ATG7: variants seen among roughly 807,000 people sequenced by gnomAD.
ATG7 encodes autophagy related 7, also known as ubiquitin-like modifier-activating enzyme ATG7.
In ATG7, 70 loss-of-function variants were observed where a neutral mutation model predicts 82.4. That is an observed-to-expected ratio of 0.85 (90% CI 0.70 to 1.04). The LOEUF is 1.04. ATG7 is among the 50% of genes least tolerant of loss of function. The probability of loss-of-function intolerance (pLI) is 0.00; values close to 1 mark genes in which losing one functional copy is unlikely to be tolerated. For synonymous variants in ATG7, 287 were observed against 313.0 expected, an observed-to-expected ratio of 0.92 and a Z score of 0.88; for missense variants, 792 against 864.3, an observed-to-expected ratio of 0.92 and a Z score of 1.05.
chr3:11,455,065 C>G (rs993472668), intron 20 of ATG7, among the ~76,000 whole-genome samples: 1 of 152,272 alleles, frequency 6.6e-6, no homozygotes, highest in Admixed American at 6.5e-5. Flanking sequence ...CATATAAATT[C>G]TAATGAAGGA....
intron 18 of ATG7, among the ~76,000 whole-genome samples, chr3:11,370,425 A>G (rs1045924477): frequency 2.0e-5 from 3 of 151,176 alleles, no homozygotes; most frequent in African/African-American, 7.3e-5. Context: ...GGGTTTTGCA[A>G]TTGCTACACT....
At chr3:11,575,520 C>A in the ATG7 span, among the ~76,000 whole-genome samples, 4 of 152,298 alleles carry the variant, frequency 2.6e-5, no homozygotes, top group East Asian at 7.7e-4. Flanking sequence ...TTTCCTTGGG[C>A]ACAATCGGTC....
chr3:11,322,443 A>C (rs915419322), intron 9 of ATG7, among the ~76,000 whole-genome samples: 1 of 152,146 alleles, frequency 6.6e-6, no homozygotes, highest in Non-Finnish European at 1.5e-5. Flanking sequence ...ACTTCCAGCT[A>C]TATATCTCTG....
chr3:11,336,167 G>T (rs1207038977), intron 11 of ATG7, among the ~76,000 whole-genome samples: 1 of 149,374 alleles, frequency 6.7e-6, no homozygotes, highest in Non-Finnish European at 1.5e-5. Context: ...CTGAGTAGCT[G>T]GGACTACAGG....
intron 20 of ATG7, among the ~76,000 whole-genome samples, chr3:11,495,857 T>C (rs571202926): frequency 6.6e-6 from 1 of 152,234 alleles, no homozygotes; most frequent in Non-Finnish European, 1.5e-5. Context: ...TTATTTTCTC[T>C]TAATGGAATG....
chr3:11,547,023 T>C (rs1575281769), intron 20 of ATG7, among the ~76,000 whole-genome samples: 1 of 152,150 alleles, frequency 6.6e-6, no homozygotes, highest in Non-Finnish European at 1.5e-5. Flanking sequence ...GCTGCCCAGG[T>C]TTATTCATGG....
At chr3:11,426,333 G>T in intron 19 of ATG7, among the ~76,000 whole-genome samples, 1 of 151,936 alleles carries the variant, frequency 6.6e-6, no homozygotes, top group East Asian at 1.9e-4. Context: ...ATCCTCTTTT[G>T]TGAAGTACCT....
In ATG7 at chr3:11,389,232, C is replaced by CAAAA. The variant is rs752930553; in HGVS notation, c.1956+9202_1956+9205dup. On this transcript the variant is annotated intron_variant, in intron 19 of 20. Transcript: ENST00000693202. ...TGGGGAACAGAGAGAGACCCTGTCT[C>CAAAA]AAAAAAAAAAAAAAAAAAAAAAAAA... 9.8e-4 allele frequency among the ~76,000 whole-genome samples: 56 copies of CAAAA among 57,130 alleles called. 1 individual carries two copies. The highest frequency in any genetic ancestry group is 3.2e-3 in the African/African-American group (40 of 12,688). The allele number at this position is 57,130 out of a possible 152,430, so 37.5% of individuals were successfully genotyped here.
intron 3 of ATG7, among the ~76,000 whole-genome samples, chr3:11,284,317 A>G (rs576806029): frequency 6.6e-6 from 1 of 152,226 alleles, no homozygotes; most frequent in Non-Finnish European, 1.5e-5. Flanking sequence ...TCCTGCTTCA[A>G]TTAATTCTAT....
intron 15 of ATG7, 54 bp from the exon 16 acceptor site, chr3:11,360,527 G>A: frequency 3.3e-6 from 5 of 1,536,606 alleles, no homozygotes; most frequent in Non-Finnish European, 4.4e-6. Flanking sequence ...ATTAGCCACA[G>A]CTTGAAATAT....
chr3:11,515,593 A>T (rs1234904049), intron 20 of ATG7, among the ~76,000 whole-genome samples: 1 of 152,198 alleles, frequency 6.6e-6, no homozygotes, highest in Non-Finnish European at 1.5e-5. Flanking sequence ...TATTGACAAG[A>T]CATTGTCCCA....
chr3:11,366,206 G>A (rs2076595651), intron 18 of ATG7, among the ~76,000 whole-genome samples: 4 of 139,936 alleles, frequency 2.9e-5, no homozygotes, highest in Non-Finnish European at 6.1e-5. Context: ...GCGACAGAGT[G>A]AGACTCCATC....
chr3:11,429,221 C>T (rs986122139), intron 20 of ATG7, among the ~76,000 whole-genome samples: 12 of 152,066 alleles, frequency 7.9e-5, no homozygotes, highest in African/African-American at 1.7e-4. Context: ...TTAGGCGGGG[C>T]GTGGTGGCTC....
chr3:11,548,705 T>C, intron 20 of ATG7, among the ~76,000 whole-genome samples: 1 of 152,252 alleles, frequency 6.6e-6, no homozygotes, highest in East Asian at 1.9e-4. Context: ...CCGATTGAAC[T>C]CACTGTGTTT....
At chr3:11,475,940 C>G (rs2088158341) in intron 20 of ATG7, among the ~76,000 whole-genome samples, 1 of 147,000 alleles carries the variant, frequency 6.8e-6, no homozygotes, top group East Asian at 2.1e-4. Context: ...TCTAGAGTTT[C>G]CTAACAGTGC....
At chr3:11,492,554 G>A (rs891891638) in intron 20 of ATG7, among the ~76,000 whole-genome samples, 4 of 152,226 alleles carry the variant, frequency 2.6e-5, no homozygotes, top group African/African-American at 9.6e-5. Context: ...TGTTTACTCA[G>A]TCCGTTGTGC....
At chr3:11,348,346 T>C (rs780935345) in intron 14 of ATG7, 10 of 273,436 alleles carry the variant, frequency 3.7e-5, no homozygotes, top group African/African-American at 8.9e-5. Flanking sequence ...TTAAAGATGA[T>C]GTGTCCAGAG....
chr3:11,440,297 T>G (rs1422076432), intron 20 of ATG7, among the ~76,000 whole-genome samples: 1 of 151,078 alleles, frequency 6.6e-6, no homozygotes, highest in East Asian at 1.9e-4. Flanking sequence ...AGGTAAGAGA[T>G]AAGTCCTTTC....
intron 20 of ATG7, among the ~76,000 whole-genome samples, chr3:11,527,069 G>GTATATATATA (rs1347586691): frequency 3.5e-3 from 414 of 118,178 alleles, no homozygotes; most frequent in Non-Finnish European, 4.9e-3. Flanking sequence ...GTGTGTGTGT[G>GTATATATATA]TGTATATATA....
Sources: gnomAD v4.1 joint callset for allele counts (sites outside exome capture counted in the v4.1 genomes callset) on GRCh38, gnomAD v4.1.1 for gene constraint, MANE v1.5 for transcripts, NCBI Gene and HGNC (gene_info 2026-07-23, HGNC 2026-07-21) for gene names.